FAR2: variants seen among roughly 807,000 people sequenced by gnomAD.
The protein encoded by FAR2 is epididymis secretory protein Li 81.
A neutral mutation model predicts 56.0 loss-of-function variants in FAR2; 19 were observed. That is an observed-to-expected ratio of 0.34 (90% CI 0.24 to 0.50). FAR2 has a LOEUF of 0.50. FAR2 is among the 20% of genes least tolerant of loss of function. The probability of loss-of-function intolerance (pLI) is 0.98; values close to 1 mark genes in which losing one functional copy is unlikely to be tolerated. For missense variants in FAR2, 508 were observed against 642.2 expected, an observed-to-expected ratio of 0.79 and a Z score of 2.26; for synonymous variants, 219 against 218.8, an observed-to-expected ratio of 1.00 and a Z score of -0.01.
intron 2 of FAR2, among the ~76,000 whole-genome samples, chr12:29,278,343 T>A (rs1302912927): frequency 6.6e-6 from 1 of 152,082 alleles, no homozygotes; most frequent in South Asian, 2.1e-4. Flanking sequence ...GAGGATAGAC[T>A]TTTTTTAAAT....
chr12:29,224,257 G>A (rs746464368), intron 1 of FAR2, among the ~76,000 whole-genome samples: 21 of 152,184 alleles, frequency 1.4e-4, no homozygotes, highest in African/African-American at 4.8e-5. Context: ...GGTTGAGGGG[G>A]TTGGAAGGAT....
chr12:29,287,896 A>G (rs1948902549), intron 2 of FAR2, among the ~76,000 whole-genome samples: 1 of 152,134 alleles, frequency 6.6e-6, no homozygotes, highest in African/African-American at 2.4e-5. Flanking sequence ...TATAAATGTA[A>G]TGCCCCCACC....
At chr12:29,156,254 A>G (rs1949726657) in intron 1 of FAR2, among the ~76,000 whole-genome samples, 1 of 152,262 alleles carries the variant, frequency 6.6e-6, no homozygotes, top group Non-Finnish European at 1.5e-5. Context: ...GTCTCACCAA[A>G]AAAAAGATAA....
chr12:29,215,215 A>G (rs546195700), intron 1 of FAR2, among the ~76,000 whole-genome samples: 161 of 152,362 alleles, frequency 1.1e-3, no homozygotes, highest in African/African-American at 3.8e-3. Context: ...TAACAAAAAT[A>G]GATACATACT....
At chr12:29,201,519 G>A (rs1156805425) in intron 1 of FAR2, among the ~76,000 whole-genome samples, 1 of 152,128 alleles carries the variant, frequency 6.6e-6, no homozygotes, top group Non-Finnish European at 1.5e-5. Context: ...TCTATATGTA[G>A]ACTTGAGTCC....
In FAR2 at chr12:29,307,642, T is replaced by G; in HGVS notation, c.546-16T>G. 6.3e-7 allele frequency: 1 copy of G among 1,590,804 alleles called. No homozygotes were observed. The highest frequency in any genetic ancestry group is 8.5e-7 in the Non-Finnish European group (1 of 1,171,058). On this transcript the variant is annotated splice_polypyrimidine_tract_variant and intron_variant, in intron 4 of 11. Coordinates refer to ENST00000536681, the MANE Select transcript of FAR2 (RefSeq NM_001271783.2). ...CTAACATATGTTACTAGAATTCTCT[T>G]TACTCTACCTTTTAGGTGGTTAGAC...
intron 1 of FAR2, among the ~76,000 whole-genome samples, chr12:29,194,719 G>T (rs1950131383): frequency 6.6e-6 from 1 of 152,148 alleles, no homozygotes; most frequent in South Asian, 2.1e-4. Flanking sequence ...GTTGGGGTGA[G>T]GGTGGCAGTG....
intron 1 of FAR2, among the ~76,000 whole-genome samples, chr12:29,159,335 G>C (rs1949759315): frequency 6.6e-6 from 1 of 151,958 alleles, no homozygotes; most frequent in South Asian, 2.1e-4. Context: ...TCAGGAGATC[G>C]AGACCATCCA....
At chr12:29,154,941 C>T (rs538159140) in intron 1 of FAR2, among the ~76,000 whole-genome samples, 7 of 152,288 alleles carry the variant, frequency 4.6e-5, no homozygotes, top group Non-Finnish European at 1.5e-5. Flanking sequence ...ATCTACAGTT[C>T]TCTATTAACC....
chr12:29,215,043 C>T (rs542646653), intron 1 of FAR2, among the ~76,000 whole-genome samples: 47 of 151,702 alleles, frequency 3.1e-4, no homozygotes, highest in Non-Finnish European at 6.0e-4. Context: ...CAAAGAAGAG[C>T]GAAGGCAAAA....
intron 1 of FAR2, among the ~76,000 whole-genome samples, chr12:29,162,234 C>G (rs971241979): frequency 6.6e-6 from 1 of 152,172 alleles, no homozygotes; most frequent in Non-Finnish European, 1.5e-5. Flanking sequence ...AAAAGTTATA[C>G]TATCCATCTG....
intron 1 of FAR2, among the ~76,000 whole-genome samples, chr12:29,164,497 C>T (rs61743451): frequency 0.058 from 8,902 of 152,264 alleles, 573 homozygotes; most frequent in Admixed American, 0.2. Context: ...GCCTAGTTTC[C>T]ATCTCCCTCA....
chr12:29,168,223 G>A (rs540880143), intron 1 of FAR2, among the ~76,000 whole-genome samples: 28 of 152,268 alleles, frequency 1.8e-4, no homozygotes, highest in East Asian at 1.4e-3. Flanking sequence ...TAAAAGGGAA[G>A]CCTGCAATTA....
Position 29,297,165 on chromosome 12 carries a change from C to T in FAR2, c.510C>T (p.Cys170=). The change falls in exon 4 of 12, where the codon TGC becomes TGT. Residue 170 remains cysteine, a synonymous_variant. Coordinates refer to ENST00000536681, the MANE Select transcript of FAR2 (RefSeq NM_001271783.2). ...ACATCGATGAAGTTATCTATCCGTG[C>T]CCTGTGGAGCCAAAAAAAATCATTG... The part of the protein sequence containing the change: ...LKHIDEVIYP[C]PVEPKKIIDS... 7 of 1,612,686 alleles carry T rather than the reference C, an allele frequency of 4.3e-6. No homozygotes were observed. Among genetic ancestry groups the T allele is most frequent in the Non-Finnish European group, 5.9e-6 (7 of 1,179,578 alleles).
At chr12:29,240,375 T>C (rs569819363) in intron 1 of FAR2, among the ~76,000 whole-genome samples, 4 of 152,244 alleles carry the variant, frequency 2.6e-5, no homozygotes, top group African/African-American at 9.6e-5. Flanking sequence ...GCTAATTGGC[T>C]CACTACCTGT....
chr12:29,270,267 A>T, intron 1 of FAR2, 145 bp from the exon 2 acceptor site: 1 of 524,878 alleles, frequency 1.9e-6, no homozygotes, highest in Non-Finnish European at 3.3e-6. Flanking sequence ...AATGAGTCGT[A>T]TTGCTTAAAA....
chr12:29,187,070 G>A (rs958550257), intron 1 of FAR2, among the ~76,000 whole-genome samples: 7 of 152,196 alleles, frequency 4.6e-5, no homozygotes, highest in African/African-American at 1.7e-4. Flanking sequence ...TTACAGGTGT[G>A]AGCCACTGCG....
intron 1 of FAR2, among the ~76,000 whole-genome samples, chr12:29,227,365 A>G (rs1173922227): frequency 6.6e-6 from 1 of 152,214 alleles, no homozygotes; most frequent in Non-Finnish European, 1.5e-5. Context: ...TAGATAAATA[A>G]TGGTTCATCC....
At chr12:29,159,266 C>T (rs1308978920) in intron 1 of FAR2, among the ~76,000 whole-genome samples, 2 of 152,040 alleles carry the variant, frequency 1.3e-5, no homozygotes, top group African/African-American at 2.4e-5. Context: ...AGGCCGGGCA[C>T]GGTGGCTCAT....
Sources: allele counts gnomAD v4.1 joint callset (sites outside exome capture counted in the v4.1 genomes callset), GRCh38; gene constraint gnomAD v4.1.1; transcripts MANE v1.5; gene names NCBI Gene and HGNC (gene_info 2026-07-23, HGNC 2026-07-21).